The following ADAMTS17 variants were observed in gnomAD, a reference collection of about 807,000 sequenced individuals.
ADAMTS17 encodes the protein A disintegrin and metalloproteinase with thrombospondin motifs 17.
Under a neutral mutation model 141.5 loss-of-function variants are expected in ADAMTS17, and 113 were observed. That is an observed-to-expected ratio of 0.80 (90% CI 0.69 to 0.93). The LOEUF is 0.93. Ranked by LOEUF, ADAMTS17 falls within the 40% of genes least tolerant of loss-of-function variation. The pLI is 0.00. For synonymous variants in ADAMTS17, 768 were observed against 630.6 expected, an observed-to-expected ratio of 1.22 and a Z score of -3.27; for missense variants, 1,659 against 1,517.9, an observed-to-expected ratio of 1.09 and a Z score of -1.54.
At chr15:100,083,342 T>C (rs1389233083) in intron 15 of ADAMTS17, among the ~76,000 whole-genome samples, 1 of 152,204 alleles carries the variant, frequency 6.6e-6, no homozygotes, top group Non-Finnish European at 1.5e-5. Flanking sequence ...CACTGAGATC[T>C]AGGAGGCACT....
chr15:100,246,193 T>C (rs532990296), intron 7 of ADAMTS17, among the ~76,000 whole-genome samples: 2 of 152,302 alleles, frequency 1.3e-5, no homozygotes, highest in African/African-American at 4.8e-5. Flanking sequence ...ACTAGTTTCC[T>C]AAAGCCTCCA....
intron 4 of ADAMTS17, among the ~76,000 whole-genome samples, chr15:100,276,018 T>C (rs71407376): frequency 0.031 from 879 of 28,730 alleles, 47 homozygotes; most frequent in Non-Finnish European, 0.04. Context: ...TGGGAGGGAG[T>C]AGGTGCCTGG....
Position 99,993,175 on chromosome 15 carries a change from A to C in ADAMTS17, c.2822T>G (p.Val941Gly). Residue 941 changes from valine to glycine, a missense_variant, in exon 20 of 22, where the codon GTG becomes GGG. Coordinates refer to ENST00000268070, the MANE Select transcript of ADAMTS17 (RefSeq NM_139057.4). This position sits in a 1 kb window ranked among gnomAD's most constrained non-coding sequence, Gnocchi z 4.3. ...SQCSASCGKG[V>G]WKRTVACTNS... The stretch of plus-strand genomic sequence containing the variant: ...GGTGCACGCCACGGTCCGTTTCCAC[A>C]CCCCTTTACCACAGCTGGCAGAGCA... 2.5e-6 allele frequency: 4 copies of C among 1,613,944 alleles called. No individual in the cohort carries two copies. Among genetic ancestry groups the C allele is most frequent in the Non-Finnish European group, 3.4e-6 (4 of 1,179,970 alleles).
chr15:100,262,879 G>GT (rs2043578866), intron 4 of ADAMTS17, among the ~76,000 whole-genome samples: 1 of 151,248 alleles, frequency 6.6e-6, no homozygotes, highest in Non-Finnish European at 1.5e-5. Context: ...AAATACATAC[G>GT]TGAGAAACAT....
At chr15:100,148,550 C>A (rs1402556714) in intron 10 of ADAMTS17, among the ~76,000 whole-genome samples, 4 of 150,468 alleles carry the variant, frequency 2.7e-5, no homozygotes, top group Non-Finnish European at 5.9e-5. Context: ...TACAATGTTT[C>A]TCTGTTGTCC....
chr15:100,146,023 A>G (rs565677097), intron 10 of ADAMTS17, among the ~76,000 whole-genome samples: 2 of 152,288 alleles, frequency 1.3e-5, no homozygotes, highest in East Asian at 3.9e-4. Context: ...AAATACAAAA[A>G]TTAGCTGGGT....
At chr15:100,317,169 A>T (rs535313690) in intron 3 of ADAMTS17, among the ~76,000 whole-genome samples, 37 of 152,358 alleles carry the variant, frequency 2.4e-4, no homozygotes, top group African/African-American at 8.7e-4. Context: ...GTTTGTCTAA[A>T]AAACACATAA....
chr15:100,204,738 C>G (rs2041465720), intron 7 of ADAMTS17, among the ~76,000 whole-genome samples: 1 of 152,186 alleles, frequency 6.6e-6, no homozygotes, highest in Non-Finnish European at 1.5e-5. Context: ...GCCTTCTTAG[C>G]TATAACATCA....
At chr15:100,012,661 T>C (rs971129183) in intron 18 of ADAMTS17, among the ~76,000 whole-genome samples, 7 of 152,190 alleles carry the variant, frequency 4.6e-5, no homozygotes, top group African/African-American at 1.4e-4. Flanking sequence ...CCACTTTATG[T>C]TTTTGTTTGC....
At chr15:100,246,028 G>A (rs1373738070) in intron 7 of ADAMTS17, among the ~76,000 whole-genome samples, 4 of 152,062 alleles carry the variant, frequency 2.6e-5, no homozygotes, top group Non-Finnish European at 5.9e-5. Flanking sequence ...GAATGTTCTC[G>A]GGATCGCCAG....
intron 20 of ADAMTS17, among the ~76,000 whole-genome samples, chr15:99,992,231 C>G (rs2060704191): frequency 2.0e-5 from 3 of 152,196 alleles, no homozygotes; most frequent in Admixed American, 6.5e-5. Context: ...ATTCTGCAGG[C>G]TGAGCAAAAA....
At chr15:100,190,673 G>A (rs1224886385) in intron 8 of ADAMTS17, among the ~76,000 whole-genome samples, 1 of 152,234 alleles carries the variant, frequency 6.6e-6, no homozygotes, top group Non-Finnish European at 1.5e-5. Flanking sequence ...TGGGCAGTAG[G>A]TGCACAAGGG....
intron 13 of ADAMTS17, among the ~76,000 whole-genome samples, chr15:100,112,372 C>T (rs894440462): frequency 3.3e-5 from 5 of 152,150 alleles, no homozygotes; most frequent in African/African-American, 1.2e-4. Context: ...AGCCAGAACT[C>T]TCCATTTGTC....
chr15:100,081,985 C>T (rs552198522), intron 15 of ADAMTS17, among the ~76,000 whole-genome samples: 1 of 152,198 alleles, frequency 6.6e-6, no homozygotes, highest in Non-Finnish European at 1.5e-5. Context: ...TATTTGGACT[C>T]AGACTCTTTA....
At chr15:100,170,500 C>T (rs765709957) in intron 8 of ADAMTS17, among the ~76,000 whole-genome samples, 2 of 152,164 alleles carry the variant, frequency 1.3e-5, no homozygotes, top group Non-Finnish European at 2.9e-5. Context: ...CATAATCCAG[C>T]CACAGAAACT....
chr15:99,976,711 C>G (rs7163481), intron 20 of ADAMTS17: 150,870 of 231,212 alleles, frequency 0.65, 49,535 homozygotes, highest in Non-Finnish European at 0.67. Context: ...GAGAGGATAC[C>G]GTGGTCTGTA....
chr15:100,283,218 A>G (rs925791929), intron 3 of ADAMTS17, among the ~76,000 whole-genome samples: 3 of 152,224 alleles, frequency 2.0e-5, no homozygotes, highest in Non-Finnish European at 4.4e-5. Context: ...CCTCAGAGCC[A>G]GGCCCATCTC....
At chr15:100,052,448 G>T (rs927284553) in intron 16 of ADAMTS17, among the ~76,000 whole-genome samples, 1 of 152,220 alleles carries the variant, frequency 6.6e-6, no homozygotes, top group Non-Finnish European at 1.5e-5. Flanking sequence ...TTCAGTTACG[G>T]TAGTAGTTGC....
At chr15:100,286,389 C>G (rs781604134) in intron 3 of ADAMTS17, among the ~76,000 whole-genome samples, 1 of 152,146 alleles carries the variant, frequency 6.6e-6, no homozygotes. Context: ...CCACTTCCAC[C>G]GCTCCTATGA....
Sources: gnomAD v4.1 joint callset for allele counts (sites outside exome capture counted in the v4.1 genomes callset) on GRCh38, gnomAD v4.1.1 for gene constraint, Gnocchi (gnomAD v3.1) non-coding constraint, MANE v1.5 for transcripts, NCBI Gene and HGNC (gene_info 2026-07-23, HGNC 2026-07-21) for gene names.